Variants in MRPS22 observed in about 807,000 individuals in gnomAD.
MRPS22 encodes the protein mitochondrial ribosomal protein S22.
MRPS22 carries 30 observed loss-of-function variants against 44.0 expected under a neutral mutation model. The observed-to-expected ratio is 0.68, with a 90% CI of 0.51 to 0.93. MRPS22 has a LOEUF of 0.93. Among genes scored for constraint, MRPS22 ranks in the 40% least tolerant of loss-of-function variants. MRPS22 has a pLI of 0.00. For synonymous variants in MRPS22, 165 were observed against 154.4 expected, an observed-to-expected ratio of 1.07 and a Z score of -0.51; for missense variants, 447 against 447.8, an observed-to-expected ratio of 1.00 and a Z score of 0.02.
At chr3:139,350,896 T>C (rs189862064) in intron 4 of MRPS22, 81 bp from the exon 5 acceptor site, 22 of 1,047,010 alleles carry the variant, frequency 2.1e-5, no homozygotes, top group Middle Eastern at 2.0e-4. Flanking sequence ...AGTATGTGGG[T>C]GGGCAGGCCT....
intron 1 of MRPS22, chr3:139,344,684 G>A (rs1214626502): frequency 1.4e-6 from 1 of 701,278 alleles, no homozygotes; most frequent in Non-Finnish European, 2.6e-6. Flanking sequence ...CCAGAAATGA[G>A]ACTGAGCACA....
chr3:139,344,533 G>A (rs544575920), intron 1 of MRPS22: 13 of 610,128 alleles, frequency 2.1e-5, no homozygotes, highest in East Asian at 1.4e-4. Flanking sequence ...TGTTATAGGG[G>A]ACGCACACAG....
rs750498687 is a variant in MRPS22 at position 139,355,699 on chromosome 3, A to C, written c.896A>C (p.Asn299Thr). The C allele has an allele frequency of 1.2e-5, 20 of 1,613,964 alleles. No homozygotes were observed. The highest frequency in any genetic ancestry group is 1.0e-4 in the Admixed American group (6 of 60,010). ...ATTCTCAGAATCGATGATGCAACCA[A>C]CTTGGTCCAGCTGTATCACGTGCTC... ...IQRDLIDDAT[N>T]LVQLYHVLHP... Residue 299 changes from asparagine to threonine, a missense_variant, in exon 7 of 8, where the codon AAC (asparagine) becomes ACC (threonine). By Grantham distance (65) the Asn-to-Thr change is moderately conservative. Transcript: ENST00000680020.
intron 2 of MRPS22, among the ~76,000 whole-genome samples, chr3:139,347,350 T>C (rs1017958421): frequency 6.6e-6 from 1 of 152,064 alleles, no homozygotes; most frequent in Non-Finnish European, 1.5e-5. Context: ...TGGAGAAACA[T>C]CTACTGTGAT....
chr3:139,344,174 C>T lies in MRPS22; in HGVS notation c.148C>T (p.Arg50Cys), dbSNP rs1044777795. 19 of 1,611,266 alleles carry T rather than the reference C, an allele frequency of 1.2e-5. No individual in the cohort carries two copies. The highest frequency in any genetic ancestry group is 2.2e-5 in the East Asian group (1 of 44,808). Reference sequence around the variant, plus strand: ...TTGCTCTTTCGAGATGGGGCTGCCACGCCGCCGGTTCAGCTCCGAGGCCGG... The same window carrying T: ...TTGCTCTTTCGAGATGGGGCTGCCATGCCGCCGGTTCAGCTCCGAGGCCGG... ...LPCSFEMGLP[R>C]RRFSSEAAES... Residue 50 changes from arginine to cysteine, a missense_variant, in exon 1 of 8, where the codon CGC becomes TGC. Arg to Cys is a radical substitution (Grantham distance 180). Coordinates refer to ENST00000680020, the MANE Select transcript of MRPS22 (RefSeq NM_020191.4).
At chr3:139,351,142 G>T (rs753267363) in intron 5 of MRPS22, 82 bp downstream of exon 5, 5 of 1,091,890 alleles carry the variant, frequency 4.6e-6, no homozygotes, top group Admixed American at 1.7e-5. Context: ...GAATTTCGTT[G>T]TAAGTTTTGA....
At chr3:139,355,284 A>C (rs1941226303) in intron 6 of MRPS22, among the ~76,000 whole-genome samples, 1 of 152,132 alleles carries the variant, frequency 6.6e-6, no homozygotes, top group Non-Finnish European at 1.5e-5. Context: ...TGTGGGATGA[A>C]GCTGTGTTTC....
chr3:139,355,140 A>G (rs796865907), intron 6 of MRPS22, among the ~76,000 whole-genome samples: 10 of 152,100 alleles, frequency 6.6e-5, no homozygotes, highest in South Asian at 6.2e-4. Context: ...CTAGGATGCT[A>G]TTTTACTAAT....
At chr3:139,355,149 A>G (rs74962607) in intron 6 of MRPS22, among the ~76,000 whole-genome samples, 2 of 152,260 alleles carry the variant, frequency 1.3e-5, no homozygotes, top group East Asian at 3.9e-4. Context: ...TATTTTACTA[A>G]TGCGTTCCTG....
rs377459479 is a variant in MRPS22 at position 139,348,146 on chromosome 3, T to A, written c.340-14T>A. 282 of 1,613,546 alleles carry A rather than the reference T, an allele frequency of 1.7e-4. No individual in the cohort carries two copies. Among genetic ancestry groups the A allele is most frequent in the Non-Finnish European group, 3.0e-5 (35 of 1,179,738 alleles). ...ACCTTGTGGCTTTCCTTAATAAATA[T>A]TTTCTTTCATTAGGCTACAAGACAG... is the stretch of plus-strand genomic sequence containing the variant. On this transcript the variant is annotated splice_polypyrimidine_tract_variant and intron_variant, in intron 2 of 7. Coordinates refer to ENST00000680020, the MANE Select transcript of MRPS22 (RefSeq NM_020191.4).
At chr3:139,352,361 A>C (rs1941167227) in intron 5 of MRPS22, 1 of 359,594 alleles carries the variant, frequency 2.8e-6, no homozygotes, top group East Asian at 6.2e-5. Context: ...AGAGATGAGG[A>C]CTGCTCAAGC....
At chr3:139,349,509 A>G (rs1941107805) in intron 3 of MRPS22, 1 of 229,710 alleles carries the variant, frequency 4.4e-6, no homozygotes, top group African/African-American at 2.4e-5. Flanking sequence ...TATAATCCAC[A>G]TTTCCTGCCC....
At position 139,350,979 on chromosome 3, in the gene MRPS22, T is replaced by C; in HGVS notation, c.651T>C (p.Thr217=). 6.2e-7 allele frequency: 1 copy of C among 1,613,816 alleles called. No individual in the cohort carries two copies. The highest frequency in any genetic ancestry group is 8.5e-7 in the Non-Finnish European group (1 of 1,179,696). ...CTAACTCTGCTGTGTGGTTTTAGAC[T>C]ATGTATAGCCAGGACAGGCATGTTG... is the stretch of plus-strand genomic sequence containing the variant. ...PIIFKEENLR[T]MYSQDRHVDV... Residue 217 remains threonine (T), a splice_region_variant and synonymous_variant, in exon 5 of 8, where the codon ACT becomes ACC. Coordinates refer to ENST00000680020, the MANE Select transcript of MRPS22 (RefSeq NM_020191.4).
Position 139,347,044 on chromosome 3 carries a change from G to A in MRPS22, c.339G>A (p.Glu113=). The change falls in exon 2 of 8, where the codon GAG becomes GAA. Residue 113 remains glutamate, a splice_region_variant and synonymous_variant. Transcript: ENST00000680020. ...YKLMTQAQLE[E]ATRQAVEAAK... ...TAATGACTCAGGCACAGTTGGAAGA[G>A]GTACGTGAATGCAGGAATATTGTTA... is the stretch of plus-strand genomic sequence containing the variant. 1.2e-6 allele frequency: 2 copies of A among 1,614,156 alleles called. No individual in the cohort carries two copies. Among genetic ancestry groups the A allele is most frequent in the Non-Finnish European group, 1.7e-6 (2 of 1,179,998 alleles).
intron 6 of MRPS22, among the ~76,000 whole-genome samples, chr3:139,354,172 C>T (rs1028194934): frequency 2.0e-5 from 3 of 152,222 alleles, no homozygotes; most frequent in Non-Finnish European, 4.4e-5. Context: ...TGCATATCCT[C>T]ACTGAGTGGA....
intron 4 of MRPS22, 104 bp downstream of exon 4, chr3:139,350,426 TTGAC>T: frequency 7.3e-7 from 1 of 1,368,266 alleles, no homozygotes; most frequent in East Asian, 2.3e-5. Flanking sequence ...TAATGATAAC[TTGAC>T]TTTTTTTTTT....
At chr3:139,345,522 G>A (rs2107786538) in intron 1 of MRPS22, among the ~76,000 whole-genome samples, 1 of 149,684 alleles carries the variant, frequency 6.7e-6, no homozygotes, top group South Asian at 2.1e-4. Flanking sequence ...GTATTAAATG[G>A]GCTGAATGTG....
intron 3 of MRPS22, among the ~76,000 whole-genome samples, chr3:139,349,685 C>A (rs1445907461): frequency 6.6e-6 from 1 of 152,180 alleles, no homozygotes; most frequent in Non-Finnish European, 1.5e-5. Context: ...TTGGACCAGA[C>A]AGCCTCTCAG....
At chr3:139,352,557 G>C in intron 5 of MRPS22, 90 bp from the exon 6 acceptor site, 1 of 1,172,760 alleles carries the variant, frequency 8.5e-7, no homozygotes, top group African/African-American at 1.5e-5. Flanking sequence ...TTACTTGCTT[G>C]GGCAGCACTC....
Sources: gnomAD v4.1 joint callset for allele counts (sites outside exome capture counted in the v4.1 genomes callset) on GRCh38, gnomAD v4.1.1 for gene constraint, MANE v1.5 for transcripts, NCBI Gene and HGNC (gene_info 2026-07-23, HGNC 2026-07-21) for gene names.